ZNF26: variants seen among roughly 807,000 people sequenced by gnomAD.
The protein encoded by ZNF26 is epididymis luminal protein 179.
ZNF26 carries 32 observed loss-of-function variants against 54.9 expected under a neutral mutation model. The observed-to-expected ratio is 0.58, with a 90% CI of 0.44 to 0.78. The LOEUF (loss-of-function observed/expected upper bound fraction) is 0.78. Among genes scored for constraint, ZNF26 ranks in the 30% least tolerant of loss-of-function variants. The probability of loss-of-function intolerance (pLI) is 0.00; values close to 1 mark genes in which losing one functional copy is unlikely to be tolerated. For synonymous variants in ZNF26, 221 were observed against 209.2 expected (o/e 1.06, Z -0.49); for missense variants, 524 against 634.0 (o/e 0.83, Z 1.86).
At chr12:133,007,402 C>T (rs1953354960) in intron 2 of ZNF26, 35 bp from the exon 3 acceptor site, 1 of 1,566,684 alleles carries the variant, frequency 6.4e-7, no homozygotes, top group Admixed American at 1.7e-5. Context: ...TCCCTAACAG[C>T]CTGGTCCCCA....
At chr12:132,989,334 T>C (rs2137206954) in intron 1 of ZNF26, among the ~76,000 whole-genome samples, 1 of 152,182 alleles carries the variant, frequency 6.6e-6, no homozygotes, top group East Asian at 1.9e-4. Flanking sequence ...CCGTGCCGGG[T>C]CTGGTGAATT....
chr12:133,006,901 A>G, intron 1 of ZNF26, 141 bp from the exon 2 acceptor site: 1 of 1,142,288 alleles, frequency 8.8e-7, no homozygotes, highest in South Asian at 1.4e-5. Flanking sequence ...ATTGATTTTT[A>G]ATTCTCTCAC....
chr12:132,988,175 A>G (rs2137203549), intron 1 of ZNF26, among the ~76,000 whole-genome samples: 1 of 151,128 alleles, frequency 6.6e-6, no homozygotes, highest in East Asian at 2.0e-4. Flanking sequence ...AGTCCGGGTA[A>G]TTTTTGTATA....
chr12:133,017,991 AGAGT>A lies in ZNF26; in HGVS notation c.*6514_*6517del, dbSNP rs1216915643. The A allele has an allele frequency of 2.0e-5, 3 of 152,294 alleles. No homozygotes were observed. The highest frequency in any genetic ancestry group is 4.8e-5 in the African/African-American group (2 of 41,478). 9.4% of individuals were successfully genotyped at this position (152,294 alleles called of 1,614,324 possible). Reference sequence around the variant, plus strand: ...GCCACCGCACTTCAGCCTGGGCAACAGAGTGAGACTCCGTCTCAATAACAGCAAC... The same window carrying A: ...GCCACCGCACTTCAGCCTGGGCAACAGAGACTCCGTCTCAATAACAGCAAC... On this transcript the variant is annotated 3_prime_UTR_variant, in exon 4 of 4. Coordinates refer to ENST00000328654, the MANE Select transcript of ZNF26 (RefSeq NM_019591.4).
intron 1 of ZNF26, among the ~76,000 whole-genome samples, chr12:133,003,016 G>A (rs1384922874): frequency 2.6e-5 from 4 of 152,052 alleles, no homozygotes; most frequent in Non-Finnish European, 4.4e-5. Flanking sequence ...AGGTGGGTGG[G>A]ACCTGGGAGC....
At chr12:132,991,760 G>C (rs1952964722) in intron 1 of ZNF26, among the ~76,000 whole-genome samples, 1 of 152,064 alleles carries the variant, frequency 6.6e-6, no homozygotes, top group African/African-American at 2.4e-5. Context: ...CTCCAGCTTA[G>C]GCAACAGAGC....
Position 133,020,433 on chromosome 12 carries a change from T to C in ZNF26, c.*8952T>C, listed in dbSNP as rs1953625161. On this transcript the variant is annotated 3_prime_UTR_variant, in exon 4 of 4. Transcript: ENST00000328654. ...TGAACTGTACACTTAAAAATGGTAA[T>C]GATGATAATATTTATAATATATTTA... The C allele has an allele frequency of 6.6e-6, 1 of 151,724 alleles. No homozygotes were observed. Among genetic ancestry groups the C allele is most frequent in the East Asian group, 1.9e-4 (1 of 5,196 alleles). The allele number at this position is 151,724 out of a possible 1,614,324, so 9.4% of individuals were successfully genotyped here. A position where few individuals can be genotyped will look rare whatever the true frequency, so the allele number is the denominator to read the frequency against.
intron 1 of ZNF26, among the ~76,000 whole-genome samples, chr12:133,002,679 A>C (rs1168468991): frequency 1.3e-5 from 2 of 151,804 alleles, no homozygotes; most frequent in Admixed American, 1.3e-4. Context: ...GCTGGAGTGC[A>C]GTGGTGCGAT....
Position 133,018,327 on chromosome 12 carries a change from A to G in ZNF26, c.*6846A>G, listed in dbSNP as rs1953594390. ...ATGTGTTGTTGCATTTGTAACATAG[A>G]TATATATATCAATACCAGCACAAAA... is the stretch of plus-strand genomic sequence containing the variant. On this transcript the variant is annotated 3_prime_UTR_variant, in exon 4 of 4. Coordinates refer to ENST00000328654, the MANE Select transcript of ZNF26 (RefSeq NM_019591.4). 6.6e-6 allele frequency: 1 copy of G among 152,160 alleles called. No individual in the cohort carries two copies. Among genetic ancestry groups the G allele is most frequent in the Non-Finnish European group, 1.5e-5 (1 of 68,018 alleles). 9.4% of individuals were successfully genotyped at this position (152,160 alleles called of 1,614,324 possible). A position where few individuals can be genotyped will look rare whatever the true frequency, so the allele number is the denominator to read the frequency against.
At chr12:132,997,861 G>A (rs1032235365) in intron 1 of ZNF26, among the ~76,000 whole-genome samples, 5 of 152,190 alleles carry the variant, frequency 3.3e-5, no homozygotes, top group Non-Finnish European at 7.3e-5. Flanking sequence ...TTAATGGGCC[G>A]ACTAAAAGTA....
chr12:133,007,221 CTT>C, intron 2 of ZNF26, 53 bp downstream of exon 2: 1 of 1,595,462 alleles, frequency 6.3e-7, no homozygotes, highest in Non-Finnish European at 8.6e-7. Context: ...ATTGCCATCC[CTT>C]TTTTTGTTGT....
intron 1 of ZNF26, among the ~76,000 whole-genome samples, chr12:132,989,427 G>C (rs983260632): frequency 6.6e-6 from 1 of 152,132 alleles, no homozygotes; most frequent in Non-Finnish European, 1.5e-5. Context: ...TACAGGTTAA[G>C]TATCTTTTAT....
intron 1 of ZNF26, chr12:133,005,131 A>G (rs894671412): frequency 5.3e-5 from 8 of 152,086 alleles, no homozygotes; most frequent in African/African-American, 1.9e-4. Context: ...ACATTGCCCT[A>G]TTATTTCTCT....
chr12:132,998,031 C>T (rs953934183), intron 1 of ZNF26, among the ~76,000 whole-genome samples: 16 of 152,124 alleles, frequency 1.1e-4, no homozygotes, highest in Admixed American at 6.6e-4. Context: ...AAGAATAAAT[C>T]GTAGCAGGAC....
rs1389129970 is a variant in ZNF26, at chr12:133,001,572, C to T, written c.34-5470C>T. 1.8e-5 allele frequency: 17 copies of T among 945,096 alleles called. No homozygotes were observed. The highest frequency in any genetic ancestry group is 5.6e-4 in the Middle Eastern group (2 of 3,598). The allele number at this position is 945,096 out of a possible 1,614,324, so 58.5% of individuals were successfully genotyped here. ...GTGTATGTGATTCTTTCTCTCACTGCATGCAGACTCACCCAGAAGTCCACT... is the reference window on the plus strand; with the variant it reads ...GTGTATGTGATTCTTTCTCTCACTGTATGCAGACTCACCCAGAAGTCCACT... On this transcript the variant is annotated intron_variant, in intron 1 of 3. Coordinates refer to ENST00000328654, the MANE Select transcript of ZNF26 (RefSeq NM_019591.4). This position sits in a 1 kb window ranked among gnomAD's most constrained non-coding sequence, Gnocchi z 4.7.
chr12:133,006,708 C>T (rs891485441), intron 1 of ZNF26: 95 of 191,362 alleles, frequency 5.0e-4, no homozygotes, highest in African/African-American at 2.0e-3. Flanking sequence ...GATTCTCCTG[C>T]CTCAGCCACC....
chr12:133,008,087 G>A (rs1267584368), intron 3 of ZNF26, among the ~76,000 whole-genome samples: 5 of 151,998 alleles, frequency 3.3e-5, no homozygotes, highest in Non-Finnish European at 5.9e-5. Context: ...AGGCTCTTCC[G>A]TTCCGAAGGT....
rs1161644047 is a variant in ZNF26, at chr12:133,016,157, C to A, written c.*4676C>A. ...GCGTGATCTCGGCTCACTGCAACTT[C>A]CGCCTCTGGGGTTCAGGTGATTCTC... On this transcript the variant is annotated 3_prime_UTR_variant, in exon 4 of 4. Transcript: ENST00000328654. 5 of 149,998 alleles carry A rather than the reference C, an allele frequency of 3.3e-5. No homozygotes were observed. Among genetic ancestry groups the A allele is most frequent in the African/African-American group, 9.8e-5 (4 of 40,664 alleles). 9.3% of individuals were successfully genotyped at this position (149,998 alleles called of 1,614,324 possible). A position where few individuals can be genotyped will look rare whatever the true frequency, so the allele number is the denominator to read the frequency against.
At position 133,013,761 on chromosome 12, in the gene ZNF26, T is replaced by C. The variant is rs1477926938; in HGVS notation, c.*2280T>C. 1 of 157,790 alleles carries C rather than the reference T, an allele frequency of 6.3e-6. No individual in the cohort carries two copies. Among genetic ancestry groups the C allele is most frequent in the African/African-American group, 2.4e-5 (1 of 41,380 alleles). The allele number at this position is 157,790 out of a possible 1,614,324, so 9.8% of individuals were successfully genotyped here. ...GCAAACTCTTCTGATAGACTTTGAATAGGAGTATCTGGGAAGAACCTGAGG... is the reference window on the plus strand; with the variant it reads ...GCAAACTCTTCTGATAGACTTTGAACAGGAGTATCTGGGAAGAACCTGAGG... On this transcript the variant is annotated 3_prime_UTR_variant, in exon 4 of 4. Coordinates refer to ENST00000328654, the MANE Select transcript of ZNF26 (RefSeq NM_019591.4).
Sources: gnomAD v4.1 joint callset for allele counts (sites outside exome capture counted in the v4.1 genomes callset) on GRCh38, gnomAD v4.1.1 for gene constraint, Gnocchi (gnomAD v3.1) non-coding constraint, MANE v1.5 for transcripts, NCBI Gene and HGNC (gene_info 2026-07-23, HGNC 2026-07-21) for gene names.